Variants in CRMP1 observed in about 807,000 individuals in gnomAD.
The protein encoded by CRMP1 is collapsin response mediator protein 1, also known as dihydropyrimidinase-related protein 1.
Under a neutral mutation model 68.3 loss-of-function variants are expected in CRMP1, and 19 were observed. The observed-to-expected ratio is 0.28, with a 90% confidence interval of 0.19 to 0.41. The LOEUF (loss-of-function observed/expected upper bound fraction) is 0.41, where lower values mean the gene tolerates loss of function less well. CRMP1 is among the 10% of genes least tolerant of loss of function. CRMP1 has a pLI of 1.00. For synonymous variants in CRMP1, 439 were observed against 399.6 expected, an observed-to-expected ratio of 1.10 and a Z score of -1.18; for missense variants, 791 against 967.4, an observed-to-expected ratio of 0.82 and a Z score of 2.42.
chr4:5,836,652 T>A (rs1720747930), intron 10 of CRMP1, 113 bp downstream of exon 10: 30 of 1,505,178 alleles, frequency 2.0e-5, no homozygotes, highest in Non-Finnish European at 2.5e-5. Context: ...TATATCTGCT[T>A]CCGCCTCCAT....
rs1225976512 is a variant in CRMP1, at chr4:5,893,078, C to T, written c.-109G>A. On this transcript the variant is annotated 5_prime_UTR_variant, in exon 1 of 14. Coordinates refer to ENST00000324989, the MANE Select transcript of CRMP1 (RefSeq NM_001014809.3). ...CGGTGCGGGCCTGCGGCGGCCCGGGCGCGACTGCGGCCCAGGGAGGGGAGG... is the reference window on the plus strand; with the variant it reads ...CGGTGCGGGCCTGCGGCGGCCCGGGTGCGACTGCGGCCCAGGGAGGGGAGG... The T allele has an allele frequency of 1.4e-5, 11 of 768,576 alleles. No individual in the cohort carries two copies. Among genetic ancestry groups the T allele is most frequent in the South Asian group, 5.6e-5 (1 of 17,800 alleles). The allele number at this position is 768,576 out of a possible 1,614,324, so 47.6% of individuals were successfully genotyped here. A position where few individuals can be genotyped will look rare whatever the true frequency, so the allele number is the denominator to read the frequency against.
rs1426906136 is a variant in CRMP1 at position 5,858,017 on chromosome 4, C to A, written c.656-1710G>T. Among the ~76,000 whole-genome samples, 1 of 152,132 alleles carries A rather than the reference C, an allele frequency of 6.6e-6. No homozygotes were observed. Among genetic ancestry groups the A allele is most frequent in the South Asian group, 2.1e-4 (1 of 4,818 alleles). ...CACTCACACCTCCATCCACTTAAAG[C>A]ATCAGGCTTTGCTAATATGACCCTC... On this transcript the variant is annotated intron_variant, in intron 3 of 13. Coordinates refer to ENST00000324989, the MANE Select transcript of CRMP1 (RefSeq NM_001014809.3). The surrounding 1 kb of genome is among the most constrained non-coding windows in gnomAD (Gnocchi z 5.5).
intron 1 of CRMP1, among the ~76,000 whole-genome samples, chr4:5,869,249 T>C (rs910365711): frequency 1.3e-5 from 2 of 152,184 alleles, no homozygotes; most frequent in African/African-American, 2.4e-5. Context: ...CACCGTGCCT[T>C]GGCAATTTTC....
chr4:5,858,363 G>A lies in CRMP1; in HGVS notation c.656-2056C>T, dbSNP rs1377431624. 6.6e-6 allele frequency among the ~76,000 whole-genome samples: 1 copy of A among 151,686 alleles called. No homozygotes were observed. Among genetic ancestry groups the A allele is most frequent in the Non-Finnish European group, 1.5e-5 (1 of 67,940 alleles). On this transcript the variant is annotated intron_variant, in intron 3 of 13. Transcript: ENST00000324989. This position sits in a 1 kb window ranked among gnomAD's most constrained non-coding sequence, Gnocchi z 5.5. ...GCTTCTCCACCGAGATGACTCAAAA[G>A]CTCCCCCAAATGAGAATGTCCAAAA...
intron 1 of CRMP1, among the ~76,000 whole-genome samples, chr4:5,875,932 C>T (rs7693801): frequency 0.02 from 3,112 of 152,198 alleles, 42 homozygotes; most frequent in African/African-American, 0.038. Context: ...GCGGGTGGAT[C>T]ATGAGGTCAG....
Position 5,879,323 on chromosome 4 carries a change from G to A in CRMP1, c.382-12567C>T, listed in dbSNP as rs984315384. Among the ~76,000 whole-genome samples, 5 of 152,232 alleles carry A rather than the reference G, an allele frequency of 3.3e-5. No homozygotes were observed. Among genetic ancestry groups the A allele is most frequent in the African/African-American group, 9.6e-5 (4 of 41,458 alleles). ...CTTTCCAACTCCTTAGTCACGTGCAGTGTCTTGAGTCCAGGATCACAAGGT... is the reference window on the plus strand; with the variant it reads ...CTTTCCAACTCCTTAGTCACGTGCAATGTCTTGAGTCCAGGATCACAAGGT... On this transcript the variant is annotated intron_variant, in intron 1 of 13. Transcript: ENST00000324989. This position sits in a 1 kb window ranked among gnomAD's most constrained non-coding sequence, Gnocchi z 4.2.
In CRMP1 at chr4:5,825,893, A is replaced by G. The variant is rs1719509651; in HGVS notation, c.1804-234T>C. On this transcript the variant is annotated intron_variant, in intron 12 of 13. Coordinates refer to ENST00000324989, the MANE Select transcript of CRMP1 (RefSeq NM_001014809.3). The surrounding 1 kb of genome is among the most constrained non-coding windows in gnomAD (Gnocchi z 4.4). ...CACATCTACATACCCACATGCATAC[A>G]CATACAGACGCACACACCACGCACA... The G allele has an allele frequency of 5.6e-6, 3 of 537,358 alleles. No individual in the cohort carries two copies. The South Asian group carries it at 7.6e-5, about 14-fold the overall frequency. The allele number at this position is 537,358 out of a possible 1,614,324, so 33.3% of individuals were successfully genotyped here. A position where few individuals can be genotyped will look rare whatever the true frequency, so the allele number is the denominator to read the frequency against.
At chr4:5,886,475 A>G (rs903877391) in intron 1 of CRMP1, among the ~76,000 whole-genome samples, 6 of 152,214 alleles carry the variant, frequency 3.9e-5, no homozygotes, top group African/African-American at 1.4e-4. Flanking sequence ...TCGGCTGGAA[A>G]AGCCTAGGCA....
Position 5,854,125 on chromosome 4 carries a change from C to A in CRMP1, c.820+2018G>T, listed in dbSNP as rs1414572383. 2.0e-5 allele frequency among the ~76,000 whole-genome samples: 3 copies of A among 152,302 alleles called. No individual in the cohort carries two copies. The East Asian group carries it at 5.8e-4, about 29-fold the overall frequency. On this transcript the variant is annotated intron_variant, in intron 4 of 13. Coordinates refer to ENST00000324989, the MANE Select transcript of CRMP1 (RefSeq NM_001014809.3). This position sits in a 1 kb window ranked among gnomAD's most constrained non-coding sequence, Gnocchi z 4.0. ...ACGACCATTTGCTTAAGGCGGCAAC[C>A]TGGGGAAAATTGCTCAGAACTTAAC...
rs1447103252 is a variant in CRMP1 at position 5,839,648 on chromosome 4, G to A, written c.1184C>T (p.Ala395Val). The part of the protein sequence containing the change: ...GPLVFGEPIA[A>V]SLGTDGTHYW... ...ATGGGTGCCATCGGTCCCCAGGCTG[G>A]CGGCAATGGGCTCTCCAAAAACTAG... The change falls in exon 9 of 14, where the codon GCC (alanine) becomes GTC (valine). Residue 395 changes from alanine (A) to valine (V), a missense_variant. Coordinates refer to ENST00000324989, the MANE Select transcript of CRMP1 (RefSeq NM_001014809.3). 1 of 1,613,022 alleles carries A rather than the reference G, an allele frequency of 6.2e-7. No individual in the cohort carries two copies. Among genetic ancestry groups the A allele is most frequent in the South Asian group, 1.1e-5 (1 of 90,828 alleles).
rs929831582 is a variant in CRMP1 at position 5,825,908 on chromosome 4, C to T, written c.1804-249G>A. ...ACATGCATACACATACAGACGCACA[C>T]ACCACGCACACGCACTCACATACAT... On this transcript the variant is annotated intron_variant, in intron 12 of 13. Coordinates refer to ENST00000324989, the MANE Select transcript of CRMP1 (RefSeq NM_001014809.3). The surrounding 1 kb of genome is among the most constrained non-coding windows in gnomAD (Gnocchi z 4.4). 9 of 509,018 alleles carry T rather than the reference C, an allele frequency of 1.8e-5. No individual in the cohort carries two copies. The highest frequency in any genetic ancestry group is 8.8e-5 in the African/African-American group (4 of 45,372). 31.5% of individuals were successfully genotyped at this position (509,018 alleles called of 1,614,324 possible). A position where few individuals can be genotyped will look rare whatever the true frequency, so the allele number is the denominator to read the frequency against.
chr4:5,876,809 T>G (rs1299973385), intron 1 of CRMP1, among the ~76,000 whole-genome samples: 1 of 140,474 alleles, frequency 7.1e-6, no homozygotes, highest in African/African-American at 2.8e-5. Context: ...TGCCCTGGAA[T>G]TGCCTGCTAA....
intron 1 of CRMP1, among the ~76,000 whole-genome samples, chr4:5,869,777 C>G (rs1165931319): frequency 6.6e-6 from 1 of 151,824 alleles, no homozygotes; most frequent in Non-Finnish European, 1.5e-5. Flanking sequence ...AACTCAAGAA[C>G]CTGGAGGCAG....
rs556814610 is a variant in CRMP1, at chr4:5,891,048, G to A, written c.381+1541C>T. Among the ~76,000 whole-genome samples the A allele has an allele frequency of 6.6e-6, 1 of 152,132 alleles. No homozygotes were observed. Among genetic ancestry groups the A allele is most frequent in the South Asian group, 2.1e-4 (1 of 4,802 alleles). On this transcript the variant is annotated intron_variant, in intron 1 of 13. Transcript: ENST00000324989. This position sits in a 1 kb window ranked among gnomAD's most constrained non-coding sequence, Gnocchi z 5.2. ...GCCTCCCCATCGGGCTCGGGAGTTT[G>A]GATCCCAAGAGAGGTCGGACCACCA...
At chr4:5,847,270 A>T (rs1712292017) in intron 6 of CRMP1, among the ~76,000 whole-genome samples, 1 of 152,170 alleles carries the variant, frequency 6.6e-6, no homozygotes, top group Non-Finnish European at 1.5e-5. Flanking sequence ...AAATACAGCC[A>T]AGGAGCCTCA....
chr4:5,863,492 G>T (rs1282263976), intron 2 of CRMP1, among the ~76,000 whole-genome samples: 1 of 152,156 alleles, frequency 6.6e-6, no homozygotes, highest in Non-Finnish European at 1.5e-5. Context: ...CCTGAACAGG[G>T]ATTGCACTAA....
chr4:5,878,373 A>G (rs751077762), intron 1 of CRMP1, among the ~76,000 whole-genome samples: 1 of 152,244 alleles, frequency 6.6e-6, no homozygotes, highest in African/African-American at 2.4e-5. Flanking sequence ...TATCAAGTAC[A>G]TACCCCAGGC....
At chr4:5,874,876 C>T (rs1714702834) in intron 1 of CRMP1, among the ~76,000 whole-genome samples, 1 of 152,178 alleles carries the variant, frequency 6.6e-6, no homozygotes, top group Admixed American at 6.5e-5. Context: ...GAGAGAGAAG[C>T]CTGGCAAGTG....
At chr4:5,840,845 C>A (rs537557848) in intron 8 of CRMP1, among the ~76,000 whole-genome samples, 35 of 152,230 alleles carry the variant, frequency 2.3e-4, no homozygotes, top group Non-Finnish European at 4.3e-4. Flanking sequence ...TGTCAGCTTG[C>A]CCTTAAAAAC....
Sources: allele counts gnomAD v4.1 joint callset (sites outside exome capture counted in the v4.1 genomes callset), GRCh38; gene constraint gnomAD v4.1.1; non-coding constraint Gnocchi (gnomAD v3.1); transcripts MANE v1.5; gene names NCBI Gene and HGNC (gene_info 2026-07-23, HGNC 2026-07-21).